The following CD2AP variants were observed in gnomAD, a reference collection of about 807,000 sequenced individuals.
CD2AP encodes the protein CD2-associated protein.
A neutral mutation model predicts 85.1 loss-of-function variants in CD2AP; 46 were observed. The ratio of observed to expected loss-of-function variants is 0.54; its 90% CI spans 0.43 to 0.69. The LOEUF is 0.69. CD2AP is among the 30% of genes least tolerant of loss of function. The pLI is 0.00. For synonymous variants in CD2AP, 255 were observed against 252.9 expected (o/e 1.01, Z -0.08); for missense variants, 769 against 729.5 (o/e 1.05, Z -0.62).
chr6:47,562,902 A>G, intron 5 of CD2AP: 1 of 683,586 alleles, frequency 1.5e-6, no homozygotes, highest in Admixed American at 1.9e-5. Context: ...CCTCTGTAAA[A>G]TTGACAGAGA....
At chr6:47,545,907 G>T (rs1235595269) in intron 4 of CD2AP, among the ~76,000 whole-genome samples, 3 of 152,062 alleles carry the variant, frequency 2.0e-5, no homozygotes, top group Admixed American at 6.6e-5. Context: ...AAATGAGAAG[G>T]AATCAGAAAA....
chr6:47,582,832 G>A (rs1434637196), intron 11 of CD2AP, among the ~76,000 whole-genome samples: 4 of 149,992 alleles, frequency 2.7e-5, no homozygotes, highest in Non-Finnish European at 5.9e-5. Context: ...GCCCAGGCTG[G>A]AGTGCAGTGG....
chr6:47,495,400 A>G (rs928736449), intron 1 of CD2AP, among the ~76,000 whole-genome samples: 1 of 152,104 alleles, frequency 6.6e-6, no homozygotes, highest in African/African-American at 2.4e-5. Flanking sequence ...GCATGGAGTG[A>G]TTCTTCAGAG....
chr6:47,607,897 A>T (rs376931629), intron 14 of CD2AP, 30 bp from the exon 15 acceptor site: 6 of 1,448,962 alleles, frequency 4.1e-6, no homozygotes, highest in East Asian at 4.5e-5. Context: ...TTGGTCTATT[A>T]TGTCTCTTGA....
At chr6:47,544,314 T>G (rs931119653) in intron 3 of CD2AP, among the ~76,000 whole-genome samples, 1 of 152,154 alleles carries the variant, frequency 6.6e-6, no homozygotes, top group Non-Finnish European at 1.5e-5. Context: ...TGTCTTTTAT[T>G]GTCGGTTTTT....
chr6:47,487,477 T>G (rs1181899646), intron 1 of CD2AP, among the ~76,000 whole-genome samples: 7 of 152,112 alleles, frequency 4.6e-5, no homozygotes. Flanking sequence ...GATCACAAGG[T>G]CAGGAGATCG....
intron 4 of CD2AP, among the ~76,000 whole-genome samples, chr6:47,550,898 T>C (rs1767501091): frequency 6.6e-6 from 1 of 152,216 alleles, no homozygotes; most frequent in Non-Finnish European, 1.5e-5. Flanking sequence ...TGGATGAGAT[T>C]GGAGACTATT....
intron 1 of CD2AP, among the ~76,000 whole-genome samples, chr6:47,498,300 T>C (rs1765917964): frequency 1.3e-5 from 2 of 152,228 alleles, no homozygotes; most frequent in South Asian, 4.1e-4. Context: ...GTATTGCCAA[T>C]GAGAAGTGTT....
intron 1 of CD2AP, among the ~76,000 whole-genome samples, chr6:47,491,559 T>C (rs1765737087): frequency 6.6e-6 from 1 of 152,116 alleles, no homozygotes. Context: ...TTATCTGTAT[T>C]GTGTTGACCA....
rs199881689 is a variant in CD2AP at position 47,509,321 on chromosome 6, T to TG, written c.165+5882dup. On this transcript the variant is annotated intron_variant, in intron 2 of 17. Coordinates refer to ENST00000359314, the MANE Select transcript of CD2AP (RefSeq NM_012120.3). ...CCATAACAGATATAATGAAGAAGTT[T>TG]GAAATATTGCAAGAATGACAAAAAT... is the stretch of plus-strand genomic sequence containing the variant. Among the ~76,000 whole-genome samples the TG allele has an allele frequency of 7.9e-3, 1,200 of 152,130 alleles. 14 individuals are homozygous for TG. Among genetic ancestry groups the TG allele is most frequent in the African/African-American group, 0.027 (1,121 of 41,478 alleles).
At chr6:47,514,556 T>G (rs1766403352) in intron 2 of CD2AP, among the ~76,000 whole-genome samples, 1 of 152,316 alleles carries the variant, frequency 6.6e-6, no homozygotes, top group Non-Finnish European at 1.5e-5. Flanking sequence ...AATAAACACA[T>G]TCCAGTAAAC....
chr6:47,543,148 CAAAAAAAAAAA>C (rs11338409), intron 3 of CD2AP, among the ~76,000 whole-genome samples: 5 of 60,332 alleles, frequency 8.3e-5, no homozygotes, highest in African/African-American at 2.8e-4. Context: ...AAGACTGTCT[CAAAAAAAAAAA>C]AAAAAAAAAA....
intron 11 of CD2AP, among the ~76,000 whole-genome samples, chr6:47,589,581 T>TATATATATATATA (rs1562046500): frequency 1.1e-4 from 16 of 148,540 alleles, no homozygotes; most frequent in South Asian, 4.3e-4. Flanking sequence ...TATATATATA[T>TATATATATATATA]TTGTCAGAGT....
intron 10 of CD2AP, among the ~76,000 whole-genome samples, chr6:47,581,409 A>C (rs906847763): frequency 1.3e-5 from 2 of 152,174 alleles, no homozygotes; most frequent in Non-Finnish European, 2.9e-5. Context: ...GATCTTTACA[A>C]GTGTAATAAA....
chr6:47,602,909 CA>C (rs932277264), intron 13 of CD2AP, among the ~76,000 whole-genome samples: 5 of 148,628 alleles, frequency 3.4e-5, no homozygotes, highest in South Asian at 4.2e-4. Context: ...CAAAAATAAA[CA>C]AAAAAAAAGC....
At chr6:47,573,486 T>TG (rs1426035467) in intron 5 of CD2AP, among the ~76,000 whole-genome samples, 1 of 133,224 alleles carries the variant, frequency 7.5e-6, no homozygotes. Context: ...TGCTGTGTGT[T>TG]TTTTTTTTTT....
chr6:47,579,663 C>T (rs1331429801), intron 9 of CD2AP, 174 bp downstream of exon 9: 16 of 580,714 alleles, frequency 2.8e-5, no homozygotes, highest in East Asian at 2.4e-4. Context: ...GTTTCAGTTC[C>T]GTACTTTATT....
rs531365240 is a variant in CD2AP at position 47,555,487 on chromosome 6, A to G, written c.541+721A>G. On this transcript the variant is annotated intron_variant, in intron 5 of 17. Transcript: ENST00000359314. ...TTAGCTAATATTATTTGGCAATTTT[A>G]TGATTAGTTGGATTTATAGGTATTA... Among the ~76,000 whole-genome samples the G allele has an allele frequency of 3.3e-5, 5 of 152,256 alleles. No individual in the cohort carries two copies. In the South Asian group the frequency reaches 8.3e-4, roughly 25 times the overall value.
intron 3 of CD2AP, among the ~76,000 whole-genome samples, chr6:47,536,450 G>A (rs1252399814): frequency 6.6e-6 from 1 of 152,158 alleles, no homozygotes; most frequent in Non-Finnish European, 1.5e-5. Context: ...AAGACAAAAT[G>A]AATCTGTGTA....
Sources: gnomAD v4.1 joint callset for allele counts (sites outside exome capture counted in the v4.1 genomes callset) on GRCh38, gnomAD v4.1.1 for gene constraint, MANE v1.5 for transcripts, NCBI Gene and HGNC (gene_info 2026-07-23, HGNC 2026-07-21) for gene names.